The following DOCK5 variants were observed in gnomAD, a reference collection of about 807,000 sequenced individuals.
DOCK5 encodes the protein dedicator of cytokinesis 5.
DOCK5 carries 142 observed loss-of-function variants against 251.8 expected under a neutral mutation model. The observed-to-expected ratio is 0.56, with a 90% CI of 0.49 to 0.65. DOCK5 has a LOEUF of 0.65. Among genes scored for constraint, DOCK5 ranks in the 30% least tolerant of loss-of-function variants. The pLI is 0.00. For missense variants in DOCK5, 2,111 were observed against 2,312.3 expected, an observed-to-expected ratio of 0.91 and a Z score of 1.79; for synonymous variants, 842 against 835.5, an observed-to-expected ratio of 1.01 and a Z score of -0.13.
chr8:25,317,767 C>T (rs779590741), intron 14 of DOCK5, among the ~76,000 whole-genome samples: 8 of 152,292 alleles, frequency 5.3e-5, no homozygotes, highest in South Asian at 2.1e-4. Context: ...CCCACCACCA[C>T]GCCCGGCTAA....
chr8:25,349,234 G>A (rs1036933546), intron 26 of DOCK5, among the ~76,000 whole-genome samples: 3 of 152,150 alleles, frequency 2.0e-5, no homozygotes, highest in Admixed American at 6.5e-5. Context: ...GGTGAAAGGG[G>A]AACATTGTTA....
chr8:25,233,921 T>C (rs527874336), intron 1 of DOCK5, among the ~76,000 whole-genome samples: 15 of 152,352 alleles, frequency 9.8e-5, no homozygotes, highest in Non-Finnish European at 1.6e-4. Context: ...CCTATCCTTC[T>C]GTTTCCTCAC....
In DOCK5 at chr8:25,286,998, T is replaced by C. The variant is rs565071418; in HGVS notation, c.322-5026T>C. On this transcript the variant is annotated intron_variant, in intron 5 of 51. Coordinates refer to ENST00000276440, the MANE Select transcript of DOCK5 (RefSeq NM_024940.8). The stretch of plus-strand genomic sequence containing the variant: ...ACCCATCCCTGTGGTCTGCATTCTT[T>C]GGGAAAATGAAGAATAGAGTCCAGG... Among the ~76,000 whole-genome samples, 13 of 152,274 alleles carry C rather than the reference T, an allele frequency of 8.5e-5. No individual in the cohort carries two copies. The South Asian group carries it at 2.5e-3, about 29-fold the overall frequency.
chr8:25,376,786 T>G (rs1800970204), intron 37 of DOCK5: 1 of 152,270 alleles, frequency 6.6e-6, no homozygotes, highest in Non-Finnish European at 1.5e-5. Context: ...CTTTTTGGAC[T>G]TATTTTTGTT....
At chr8:25,281,889 GA>G (rs57465549) in intron 5 of DOCK5, among the ~76,000 whole-genome samples, 23,330 of 126,902 alleles carry the variant, frequency 0.18, 1,870 homozygotes, top group African/African-American at 0.28. Flanking sequence ...AAAAAAAAAA[GA>G]AAAAAAAAAA....
chr8:25,412,374 G>A lies in DOCK5; in HGVS notation c.*1076G>A, dbSNP rs1801647542. 2 of 152,128 alleles carry A rather than the reference G, an allele frequency of 1.3e-5. No individual in the cohort carries two copies. Among genetic ancestry groups the A allele is most frequent in the South Asian group, 4.1e-4 (2 of 4,832 alleles). The allele number at this position is 152,128 out of a possible 1,614,324, so 9.4% of individuals were successfully genotyped here. Reference sequence around the variant, plus strand: ...TGACCAAATATTACATACATAAATAGCCACATGAAGTTTTAGACGTTTGGA... The same window carrying A: ...TGACCAAATATTACATACATAAATAACCACATGAAGTTTTAGACGTTTGGA... On this transcript the variant is annotated 3_prime_UTR_variant, in exon 52 of 52. Transcript: ENST00000276440.
chr8:25,243,747 G>A lies in DOCK5; in HGVS notation c.117G>A (p.Glu39=). The A allele has an allele frequency of 6.2e-7, 1 of 1,613,632 alleles. No homozygotes were observed. The highest frequency in any genetic ancestry group is 8.5e-7 in the Non-Finnish European group (1 of 1,179,688). The change falls in exon 2 of 52, where the codon GAG becomes GAA. Residue 39 remains glutamate, a synonymous_variant. Coordinates refer to ENST00000276440, the MANE Select transcript of DOCK5 (RefSeq NM_024940.8). ...TCGGTGACACAGTTCACATCCTGGA[G>A]ATGTACGAGGGTAAGTCTGGCTGGC... ...LQIGDTVHIL[E]MYEGWYRGYT...
At chr8:25,309,100 C>T (rs914772237) in intron 12 of DOCK5, among the ~76,000 whole-genome samples, 175 bp downstream of exon 12, 10 of 152,236 alleles carry the variant, frequency 6.6e-5, no homozygotes, top group African/African-American at 2.4e-4. Flanking sequence ...CATTGAGATG[C>T]ACCCAGCGGT....
At chr8:25,276,505 G>A (rs1233023966) in intron 4 of DOCK5, among the ~76,000 whole-genome samples, 2 of 152,110 alleles carry the variant, frequency 1.3e-5, no homozygotes, top group African/African-American at 4.8e-5. Flanking sequence ...TCTGGAGGCA[G>A]TACGGAGAGG....
At chr8:25,381,461 C>T (rs1037145903) in intron 39 of DOCK5, among the ~76,000 whole-genome samples, 3 of 151,942 alleles carry the variant, frequency 2.0e-5, no homozygotes, top group African/African-American at 7.3e-5. Flanking sequence ...ACCATCTCTA[C>T]AAAAAATATA....
rs569100726 is a variant in DOCK5 at position 25,309,824 on chromosome 8, T to TA, written c.1193-573dup. On this transcript the variant is annotated intron_variant, in intron 12 of 51. Transcript: ENST00000276440. ...CAACAAAGTGAGACTCTGTCTAAAA[T>TA]AAAAAAAAAAGAAAGAAAGACAGAA... Among the ~76,000 whole-genome samples the TA allele has an allele frequency of 3.1e-3, 447 of 146,040 alleles. 1 individual carries two copies. Among genetic ancestry groups the TA allele is most frequent in the Middle Eastern group, 6.9e-3 (2 of 288 alleles).
intron 15 of DOCK5, among the ~76,000 whole-genome samples, chr8:25,320,553 G>A (rs1272097189): frequency 6.6e-6 from 1 of 152,116 alleles, no homozygotes; most frequent in African/African-American, 2.4e-5. Flanking sequence ...TCTCTCCCCT[G>A]TAGATAGGTA....
At chr8:25,248,520 C>G (rs927194471) in intron 2 of DOCK5, among the ~76,000 whole-genome samples, 9 of 152,154 alleles carry the variant, frequency 5.9e-5, no homozygotes, top group African/African-American at 2.2e-4. Flanking sequence ...GCTCCCTCTG[C>G]ACTCTGCCCC....
At chr8:25,244,628 G>A (rs1400915298) in intron 2 of DOCK5, among the ~76,000 whole-genome samples, 2 of 152,218 alleles carry the variant, frequency 1.3e-5, no homozygotes, top group African/African-American at 2.4e-5. Flanking sequence ...TGGTGAAACG[G>A]CAGAGATGGT....
intron 40 of DOCK5, among the ~76,000 whole-genome samples, chr8:25,384,080 A>G (rs552390201): frequency 6.6e-6 from 1 of 152,356 alleles, no homozygotes; most frequent in African/African-American, 2.4e-5. Flanking sequence ...ACACAACAGA[A>G]TACTGCAGCA....
chr8:25,325,602 C>A, intron 18 of DOCK5, 55 bp downstream of exon 18: 1 of 1,590,552 alleles, frequency 6.3e-7, no homozygotes, highest in Non-Finnish European at 8.6e-7. Context: ...CCTTTCTGGG[C>A]TCCTTGGTTA....
intron 27 of DOCK5, among the ~76,000 whole-genome samples, chr8:25,354,028 A>T (rs567954373): frequency 0.049 from 666 of 13,596 alleles, 8 homozygotes; most frequent in African/African-American, 0.073. Context: ...ACTTTGTCTT[A>T]AAAAAAAAAA....
At chr8:25,410,061 T>TGCCTCTCTCTGC (rs1478741855) in intron 50 of DOCK5, 38 bp from the exon 51 acceptor site, 1 of 1,558,184 alleles carries the variant, frequency 6.4e-7, no homozygotes, top group Non-Finnish European at 8.8e-7. Flanking sequence ...CCTTGCTCAG[T>TGCCTCTCTCTGC]GCCTCTCTCT....
intron 21 of DOCK5, among the ~76,000 whole-genome samples, 182 bp downstream of exon 21, chr8:25,334,378 G>A (rs1044852976): frequency 6.6e-6 from 1 of 152,158 alleles, no homozygotes; most frequent in East Asian, 1.9e-4. Flanking sequence ...ACTCTGGAAA[G>A]GGGGCTAAGA....
Sources: allele counts gnomAD v4.1 joint callset (sites outside exome capture counted in the v4.1 genomes callset), GRCh38; gene constraint gnomAD v4.1.1; transcripts MANE v1.5; gene names NCBI Gene and HGNC (gene_info 2026-07-23, HGNC 2026-07-21).